The following NIPA1 variants were observed in gnomAD, a reference collection of about 807,000 sequenced individuals.
NIPA1 encodes the protein magnesium transporter NIPA1.
Under a neutral mutation model 23.9 loss-of-function variants are expected in NIPA1, and 13 were observed. That is an observed-to-expected ratio of 0.54 (90% CI 0.35 to 0.87). The LOEUF (loss-of-function observed/expected upper bound fraction) is 0.87, where lower values mean the gene tolerates loss of function less well. Among genes scored for constraint, NIPA1 ranks in the 40% least tolerant of loss-of-function variants. The probability of loss-of-function intolerance (pLI) is 0.01; values close to 1 mark genes in which losing one functional copy is unlikely to be tolerated. For synonymous variants in NIPA1, 234 were observed against 202.9 expected (o/e 1.15, Z -1.30); for missense variants, 362 against 429.7 (o/e 0.84, Z 1.39).
intron 1 of NIPA1, among the ~76,000 whole-genome samples, chr15:22,798,230 C>G (rs1396276277): frequency 7.6e-6 from 1 of 132,072 alleles, no homozygotes; most frequent in Non-Finnish European, 1.5e-5. Flanking sequence ...AACATATATG[C>G]TAAAAATCTT....
intron 1 of NIPA1, among the ~76,000 whole-genome samples, chr15:22,802,957 T>G (rs7174418): frequency 0.52 from 79,542 of 151,804 alleles, 21,715 homozygotes; most frequent in East Asian, 0.91. Flanking sequence ...TGAACTTTTT[T>G]TTTTTTGGGT....
chr15:22,798,564 A>AG (rs2140854411), intron 1 of NIPA1, among the ~76,000 whole-genome samples: 1 of 145,030 alleles, frequency 6.9e-6, no homozygotes, highest in Admixed American at 7.0e-5. Context: ...AAAAAAAAAA[A>AG]CCGGCAGGGT....
chr15:22,789,255 C>T (rs1223524967), intron 1 of NIPA1, among the ~76,000 whole-genome samples: 2 of 152,106 alleles, frequency 1.3e-5, no homozygotes, highest in Non-Finnish European at 2.9e-5. Context: ...TCCCAAAATG[C>T]TGGGATTACA....
At position 22,824,170 on chromosome 15, in the gene NIPA1, T is replaced by C. The variant is rs913054395; in HGVS notation, c.921T>C (p.Leu307=). ...GFTTVSVGIV[L]IQVFKEFNFN... The stretch of plus-strand genomic sequence containing the variant: ...CGACCGTCTCCGTGGGGATTGTCCT[T>C]ATACAGGTGTTCAAAGAGTTCAATT... Residue 307 remains leucine, a synonymous_variant, in exon 5 of 5, where the codon CTT becomes CTC. Transcript: ENST00000337435. The surrounding 1 kb of genome is among the most constrained non-coding windows in gnomAD (Gnocchi z 4.1). 1.2e-6 allele frequency: 2 copies of C among 1,613,494 alleles called. No individual in the cohort carries two copies. Among genetic ancestry groups the C allele is most frequent in the Non-Finnish European group, 1.7e-6 (2 of 1,179,342 alleles).
intron 1 of NIPA1, among the ~76,000 whole-genome samples, chr15:22,805,955 A>G (rs539422028): frequency 3.6e-4 from 55 of 151,660 alleles, no homozygotes; most frequent in Admixed American, 3.2e-3. Flanking sequence ...ATGGAGTCTC[A>G]CTCTGTCGCC....
intron 1 of NIPA1, among the ~76,000 whole-genome samples, chr15:22,805,721 A>G (rs941081911): frequency 1.9e-4 from 29 of 152,008 alleles, no homozygotes; most frequent in African/African-American, 6.5e-4. Flanking sequence ...TGTAAAAACT[A>G]TGTTACATCT....
intron 1 of NIPA1, among the ~76,000 whole-genome samples, chr15:22,793,835 C>T (rs1458746586): frequency 6.6e-6 from 1 of 152,084 alleles, no homozygotes; most frequent in East Asian, 1.9e-4. Flanking sequence ...TATCCTTTCC[C>T]CAGTGTATGT....
chr15:22,790,310 G>C (rs1338070883), intron 1 of NIPA1, among the ~76,000 whole-genome samples: 1 of 151,980 alleles, frequency 6.6e-6, no homozygotes, highest in Non-Finnish European at 1.5e-5. Context: ...TTGTTCAACA[G>C]ATACTGATGA....
At chr15:22,795,469 C>T (rs963047984) in intron 1 of NIPA1, among the ~76,000 whole-genome samples, 13 of 152,076 alleles carry the variant, frequency 8.5e-5, no homozygotes, top group African/African-American at 2.9e-4. Flanking sequence ...CATCTTCACT[C>T]GAGTCTGGGG....
At chr15:22,790,381 C>A (rs1448562824) in intron 1 of NIPA1, among the ~76,000 whole-genome samples, 1 of 150,376 alleles carries the variant, frequency 6.6e-6, no homozygotes, top group Non-Finnish European at 1.5e-5. Flanking sequence ...CAGTCTCGAT[C>A]TCCTGACCTT....
chr15:22,812,134 A>G (rs759681231), intron 2 of NIPA1, 29 bp from the exon 3 acceptor site: 44 of 1,529,994 alleles, frequency 2.9e-5, no homozygotes, highest in Non-Finnish European at 4.0e-5. Flanking sequence ...CTGTAATTGC[A>G]AGTAGTATCC....
chr15:22,822,774 C>T (rs1473737582), intron 4 of NIPA1, among the ~76,000 whole-genome samples: 4 of 151,140 alleles, frequency 2.6e-5, no homozygotes, highest in Non-Finnish European at 5.9e-5. Context: ...TTGCAGTGAG[C>T]AGAGATCGTG....
At chr15:22,788,991 T>C (rs960811112) in intron 1 of NIPA1, among the ~76,000 whole-genome samples, 3 of 151,868 alleles carry the variant, frequency 2.0e-5, no homozygotes, top group African/African-American at 7.3e-5. Context: ...TTTATTTATT[T>C]TTTATTATGA....
At chr15:22,809,375 A>G (rs141110211) in intron 1 of NIPA1, among the ~76,000 whole-genome samples, 143 of 152,170 alleles carry the variant, frequency 9.4e-4, no homozygotes, top group Non-Finnish European at 1.5e-3. Flanking sequence ...CGACAGAGTG[A>G]TACTCCATCT....
chr15:22,798,694 A>G lies in NIPA1; in HGVS notation c.178+11860A>G, dbSNP rs546078134. Reference sequence around the variant, plus strand: ...AATCCCCGTCTCTACTAAAAATACAAAAAATTAGTCGGGTGCCTGTAGTCC... The same window carrying G: ...AATCCCCGTCTCTACTAAAAATACAGAAAATTAGTCGGGTGCCTGTAGTCC... On this transcript the variant is annotated intron_variant, in intron 1 of 4. Coordinates refer to ENST00000337435, the MANE Select transcript of NIPA1 (RefSeq NM_144599.5). Among the ~76,000 whole-genome samples the G allele has an allele frequency of 1.6e-4, 24 of 150,726 alleles. No homozygotes were observed. In the South Asian group the frequency reaches 3.1e-3, roughly 20 times the overall value.
intron 1 of NIPA1, among the ~76,000 whole-genome samples, chr15:22,789,001 AT>A (rs564076383): frequency 7.2e-6 from 1 of 138,562 alleles, no homozygotes; most frequent in South Asian, 2.4e-4. Flanking sequence ...TTTTATTATG[AT>A]TTTTTTTTGA....
At chr15:22,813,263 G>T (rs963327275) in intron 3 of NIPA1, among the ~76,000 whole-genome samples, 13 of 152,142 alleles carry the variant, frequency 8.5e-5, no homozygotes, top group African/African-American at 2.4e-4. Context: ...CAGTGTGTGC[G>T]CAGGCTTCTT....
chr15:22,818,684 C>T (rs181299064), intron 3 of NIPA1, among the ~76,000 whole-genome samples: 112 of 151,998 alleles, frequency 7.4e-4, no homozygotes, highest in African/African-American at 2.4e-3. Context: ...GTAATCCCAG[C>T]TACTCGGGAG....
chr15:22,824,432 C>T lies in NIPA1; in HGVS notation c.*193C>T, dbSNP rs746589721. On this transcript the variant is annotated 3_prime_UTR_variant, in exon 5 of 5. Transcript: ENST00000337435. This position sits in a 1 kb window ranked among gnomAD's most constrained non-coding sequence, Gnocchi z 4.1. The stretch of plus-strand genomic sequence containing the variant: ...CCCAGCCAGCCCTCTGCAGCCCAAA[C>T]GTCCCCAACGGTTGCCTGGCACCAT... 2.1e-4 allele frequency: 130 copies of T among 607,546 alleles called. No homozygotes were observed. The highest frequency in any genetic ancestry group is 3.4e-4 in the Non-Finnish European group (115 of 338,964). The allele number at this position is 607,546 out of a possible 1,614,324, so 37.6% of individuals were successfully genotyped here. A position where few individuals can be genotyped will look rare whatever the true frequency, so the allele number is the denominator to read the frequency against.
Sources: allele counts gnomAD v4.1 joint callset (sites outside exome capture counted in the v4.1 genomes callset), GRCh38; gene constraint gnomAD v4.1.1; non-coding constraint Gnocchi (gnomAD v3.1); transcripts MANE v1.5; gene names NCBI Gene and HGNC (gene_info 2026-07-23, HGNC 2026-07-21).